The following ETNK2 variants were observed in gnomAD, a reference collection of about 807,000 sequenced individuals.
ETNK2 encodes ethanolamine kinase-like protein.
A neutral mutation model predicts 46.2 loss-of-function variants in ETNK2; 33 were observed. That is an observed-to-expected ratio of 0.71 (90% CI 0.54 to 0.96). ETNK2 has a LOEUF of 0.96. Among genes scored for constraint, ETNK2 ranks in the 40% least tolerant of loss-of-function variants. ETNK2 has a pLI of 0.00. For missense variants in ETNK2, 445 were observed against 509.7 expected (o/e 0.87, Z 1.22); for synonymous variants, 194 against 209.0 (o/e 0.93, Z 0.62).
Position 204,132,093 on chromosome 1 carries a change from T to C in ETNK2, c.*91A>G. On this transcript the variant is annotated 3_prime_UTR_variant, in exon 8 of 8. Coordinates refer to ENST00000367202, the MANE Select transcript of ETNK2 (RefSeq NM_018208.4). The stretch of plus-strand genomic sequence containing the variant: ...CACCCATGTGTCCCCTCTCCCACCC[T>C]GTCCAAGGGTGTGGATCCCAGAGTG... 1 of 1,044,542 alleles carries C rather than the reference T, an allele frequency of 9.6e-7. No individual in the cohort carries two copies. 64.7% of individuals were successfully genotyped at this position (1,044,542 alleles called of 1,614,324 possible). A position where few individuals can be genotyped will look rare whatever the true frequency, so the allele number is the denominator to read the frequency against.
At position 204,131,079 on chromosome 1, in the gene ETNK2, T is replaced by C. The variant is rs1285487765; in HGVS notation, c.*1105A>G. ...CACAGCAGTCCGGAAATGAGCATTT[T>C]AATGCAGAAAGAAAACCATGATAAT... On this transcript the variant is annotated 3_prime_UTR_variant, in exon 8 of 8. Coordinates refer to ENST00000367202, the MANE Select transcript of ETNK2 (RefSeq NM_018208.4). The surrounding 1 kb of genome is among the most constrained non-coding windows in gnomAD (Gnocchi z 4.3). 6.5e-6 allele frequency: 1 copy of C among 152,700 alleles called. No homozygotes were observed. The highest frequency in any genetic ancestry group is 2.4e-5 in the African/African-American group (1 of 41,466). The allele number at this position is 152,700 out of a possible 1,614,324, so 9.5% of individuals were successfully genotyped here.
intron 5 of ETNK2, among the ~76,000 whole-genome samples, chr1:204,137,841 G>A (rs1014715316): frequency 1.3e-5 from 2 of 152,112 alleles, no homozygotes; most frequent in African/African-American, 4.8e-5. Flanking sequence ...TAGCCAGGCT[G>A]GGAACCCATG....
intron 4 of ETNK2, chr1:204,141,103 G>A (rs771923914): frequency 4.4e-6 from 3 of 682,284 alleles, no homozygotes; most frequent in Admixed American, 4.2e-5. Flanking sequence ...TGGGATTATA[G>A]GCATGAGCCA....
chr1:204,137,254 G>A lies in ETNK2; in HGVS notation c.869-5C>T, dbSNP rs144520917. 16 of 1,613,026 alleles carry A rather than the reference G, an allele frequency of 9.9e-6. No individual in the cohort carries two copies. The Admixed American group carries it at 1.2e-4, about 12-fold the overall frequency. ...AGTAATCCACCTCATTCACGCCTGAGGGGGAGGCAGGCCAGACAAAGTTGC... is the reference window on the plus strand; with the variant it reads ...AGTAATCCACCTCATTCACGCCTGAAGGGGAGGCAGGCCAGACAAAGTTGC... On this transcript the variant is annotated splice_polypyrimidine_tract_variant and splice_region_variant and intron_variant, in intron 5 of 7. Transcript: ENST00000367202.
intron 7 of ETNK2, among the ~76,000 whole-genome samples, chr1:204,133,706 TATTTTTAGTAG>T (rs1428634926): frequency 6.6e-6 from 1 of 152,118 alleles, no homozygotes; most frequent in African/African-American, 2.4e-5. Flanking sequence ...TAATTTTTTG[TATTTTTAGTAG>T]AGACGGGGTT....
intron 6 of ETNK2, 145 bp downstream of exon 6, chr1:204,136,959 A>G: frequency 2.8e-6 from 3 of 1,072,810 alleles, no homozygotes; most frequent in Non-Finnish European, 4.0e-6. Context: ...CCCAGGCTTC[A>G]CCTCTAGGGT....
chr1:204,147,614 C>G (rs1384882596), intron 2 of ETNK2: 1 of 510,022 alleles, frequency 2.0e-6, no homozygotes. Flanking sequence ...CAACATACAG[C>G]CTCTGCCTGT....
At chr1:204,133,529 A>ATT (rs1197144097) in intron 7 of ETNK2, among the ~76,000 whole-genome samples, 4 of 131,636 alleles carry the variant, frequency 3.0e-5, no homozygotes, top group African/African-American at 1.2e-4. Context: ...ATTTTATTTT[A>ATT]TTTTATTTTT....
In ETNK2 at chr1:204,151,491, G is replaced by T. The variant is rs1658003013; in HGVS notation, c.258+104C>A. ...CAAACCTTTCTTGCGCAGCAGCCGC[G>T]CACCCCTGGGACTGACACCCGGAAG... is the stretch of plus-strand genomic sequence containing the variant. On this transcript the variant is annotated intron_variant, in intron 1 of 7. Coordinates refer to ENST00000367202, the MANE Select transcript of ETNK2 (RefSeq NM_018208.4). The surrounding 1 kb of genome is among the most constrained non-coding windows in gnomAD (Gnocchi z 8.0). The T allele has an allele frequency of 2.1e-6, 3 of 1,449,524 alleles. No homozygotes were observed. Among genetic ancestry groups the T allele is most frequent in the South Asian group, 2.6e-5 (2 of 77,706 alleles). 89.8% of individuals were successfully genotyped at this position (1,449,524 alleles called of 1,614,324 possible). A position where few individuals can be genotyped will look rare whatever the true frequency, so the allele number is the denominator to read the frequency against.
chr1:204,146,556 ACCT>A (rs1313178594), intron 3 of ETNK2, 83 bp downstream of exon 3: 2 of 1,533,422 alleles, frequency 1.3e-6, no homozygotes, highest in Non-Finnish European at 1.8e-6. Flanking sequence ...AAGCCCTTAA[ACCT>A]CCTAGCAGGG....
At chr1:204,139,290 T>C (rs1657406117) in intron 5 of ETNK2, among the ~76,000 whole-genome samples, 1 of 152,206 alleles carries the variant, frequency 6.6e-6, no homozygotes, top group African/African-American at 2.4e-5. Context: ...CCAGTTGTAC[T>C]GGGTATAAAG....
chr1:204,144,039 G>A (rs1048347510), intron 3 of ETNK2, among the ~76,000 whole-genome samples: 7 of 152,144 alleles, frequency 4.6e-5, no homozygotes, highest in South Asian at 2.1e-4. Context: ...ATCACCTGGG[G>A]TGCCTATCAA....
Position 204,131,907 on chromosome 1 carries a change from T to G in ETNK2, c.*277A>C. On this transcript the variant is annotated 3_prime_UTR_variant, in exon 8 of 8. Transcript: ENST00000367202. This position sits in a 1 kb window ranked among gnomAD's most constrained non-coding sequence, Gnocchi z 4.3. ...CTGGGAATGATGTGTTTCCCAGGGGTGGTTATGGTTCAGGACCTGGCTGCA... is the reference window on the plus strand; with the variant it reads ...CTGGGAATGATGTGTTTCCCAGGGGGGGTTATGGTTCAGGACCTGGCTGCA... 1.1e-5 allele frequency: 5 copies of G among 454,590 alleles called. No individual in the cohort carries two copies. The highest frequency in any genetic ancestry group is 3.1e-5 in the South Asian group (1 of 32,660). 28.2% of individuals were successfully genotyped at this position (454,590 alleles called of 1,614,324 possible). A position where few individuals can be genotyped will look rare whatever the true frequency, so the allele number is the denominator to read the frequency against.
In ETNK2 at chr1:204,141,404, A is replaced by G. The variant is rs763037814; in HGVS notation, c.695T>C (p.Leu232Pro). Residue 232 changes from leucine (L) to proline (P), a missense_variant, in exon 4 of 8, where the codon CTG becomes CCG. Transcript: ENST00000367202. ...CTCCAGCTGGGACAGATGCTCCTTCAGCCAGGCCAGCTCCCGTTCCAACAC... is the reference window on the plus strand; with the variant it reads ...CTCCAGCTGGGACAGATGCTCCTTCGGCCAGGCCAGCTCCCGTTCCAACAC... ...VEVLERELAWLKEHLSQLESP... is the reference protein window; with the variant it reads ...VEVLERELAWPKEHLSQLESP... The G allele has an allele frequency of 3.1e-6, 5 of 1,612,878 alleles. No individual in the cohort carries two copies. Among genetic ancestry groups the G allele is most frequent in the Admixed American group, 3.3e-5 (2 of 59,778 alleles).
intron 7 of ETNK2, 45 bp from the exon 8 acceptor site, chr1:204,132,301 G>C: frequency 6.7e-7 from 1 of 1,492,874 alleles, no homozygotes; most frequent in South Asian, 1.2e-5. Context: ...AAGAAAGCCA[G>C]GTGGGCCCTG....
chr1:204,137,063 C>T (rs1657312593), intron 6 of ETNK2, 41 bp downstream of exon 6: 1 of 1,607,126 alleles, frequency 6.2e-7, no homozygotes, highest in Non-Finnish European at 8.5e-7. Context: ...CTCCTGCTAA[C>T]TCCTCCTTTC....
Position 204,137,085 on chromosome 1 carries a change from C to T in ETNK2, c.1014+19G>A. 1 of 1,612,626 alleles carries T rather than the reference C, an allele frequency of 6.2e-7. No homozygotes were observed. Among genetic ancestry groups the T allele is most frequent in the Non-Finnish European group, 8.5e-7 (1 of 1,179,006 alleles). ...TAACTCCTCCTTTCCTGCCCCAGCCCTAGAAATAAGGCACTCACCAGGGCA... is the reference window on the plus strand; with the variant it reads ...TAACTCCTCCTTTCCTGCCCCAGCCTTAGAAATAAGGCACTCACCAGGGCA... On this transcript the variant is annotated intron_variant, in intron 6 of 7. Transcript: ENST00000367202.
intron 5 of ETNK2, 117 bp downstream of exon 5, chr1:204,139,918 A>G (rs771953011): frequency 1.9e-5 from 15 of 808,466 alleles, no homozygotes; most frequent in Non-Finnish European, 2.7e-5. Context: ...TACAGTAAAA[A>G]TATGGTACCT....
rs535590418 is a variant in ETNK2, at chr1:204,132,116, G to A, written c.*68C>T. 2.1e-5 allele frequency: 26 copies of A among 1,261,230 alleles called. No individual in the cohort carries two copies. The African/African-American group carries it at 3.6e-4, about 17-fold the overall frequency. 78.1% of individuals were successfully genotyped at this position (1,261,230 alleles called of 1,614,324 possible). A position where few individuals can be genotyped will look rare whatever the true frequency, so the allele number is the denominator to read the frequency against. On this transcript the variant is annotated 3_prime_UTR_variant, in exon 8 of 8. Coordinates refer to ENST00000367202, the MANE Select transcript of ETNK2 (RefSeq NM_018208.4). ...CCTGTCCAAGGGTGTGGATCCCAGA[G>A]TGCAGAATTGAGCTCTGGAGAACAG...
Sources: allele counts gnomAD v4.1 joint callset (sites outside exome capture counted in the v4.1 genomes callset), GRCh38; gene constraint gnomAD v4.1.1; non-coding constraint Gnocchi (gnomAD v3.1); transcripts MANE v1.5; gene names NCBI Gene and HGNC (gene_info 2026-07-23, HGNC 2026-07-21).